MSRA: variants seen among roughly 807,000 people sequenced by gnomAD.
MSRA encodes methionine sulfoxide reductase A.
A neutral mutation model predicts 31.3 loss-of-function variants in MSRA; 54 were observed. The observed-to-expected ratio is 1.73, with a 90% CI of 1.39 to 2.17. MSRA has a LOEUF of 2.17. Ranked by LOEUF, MSRA falls within the 30% of genes most tolerant of loss-of-function variation. The pLI is 0.00. For synonymous variants in MSRA, 169 were observed against 116.5 expected (o/e 1.45, Z -2.90); for missense variants, 507 against 300.9 (o/e 1.69, Z -5.07).
In MSRA at chr8:10,340,261, T is replaced by C. The variant is rs188792584; in HGVS notation, c.543+20272T>C. Among the ~76,000 whole-genome samples, 5 of 152,210 alleles carry C rather than the reference T, an allele frequency of 3.3e-5. No homozygotes were observed. In the East Asian group the frequency reaches 9.7e-4, roughly 29 times the overall value. On this transcript the variant is annotated intron_variant, in intron 5 of 5. Coordinates refer to ENST00000317173, the MANE Select transcript of MSRA (RefSeq NM_012331.5). ...AAGCTGACCCCAGGTGTCCGTGCTT[T>C]TATGGGTTAATACCACCAGGGTATT...
chr8:10,240,983 C>G (rs561470144), intron 2 of MSRA, among the ~76,000 whole-genome samples: 1 of 152,018 alleles, frequency 6.6e-6, no homozygotes. Flanking sequence ...GTGCAGCTCA[C>G]GCGTGCCCTC....
intron 5 of MSRA, among the ~76,000 whole-genome samples, chr8:10,323,089 CA>C (rs34539032): frequency 0.21 from 23,254 of 111,750 alleles, 2,214 homozygotes; most frequent in Non-Finnish European, 0.26. Context: ...GACTCCATCT[CA>C]AAAAAAAAAA....
intron 5 of MSRA, among the ~76,000 whole-genome samples, chr8:10,370,674 G>T (rs2129169884): frequency 6.6e-6 from 1 of 152,302 alleles, no homozygotes; most frequent in South Asian, 2.1e-4. Flanking sequence ...TTGCTCTCCT[G>T]TACTTGCCAC....
At chr8:10,099,813 G>T (rs546745572) in intron 1 of MSRA, among the ~76,000 whole-genome samples, 1 of 152,272 alleles carries the variant, frequency 6.6e-6, no homozygotes, top group South Asian at 2.1e-4. Flanking sequence ...GGGTGGCCCT[G>T]GACACCGGCT....
intron 3 of MSRA, among the ~76,000 whole-genome samples, chr8:10,258,832 T>C (rs1798317539): frequency 6.6e-6 from 1 of 152,076 alleles, no homozygotes; most frequent in South Asian, 2.1e-4. Flanking sequence ...GACAGCGAGG[T>C]GCGGAGGCTC....
chr8:10,390,284 C>T (rs770334110), intron 5 of MSRA, among the ~76,000 whole-genome samples: 1 of 152,212 alleles, frequency 6.6e-6, no homozygotes, highest in Admixed American at 6.5e-5. Flanking sequence ...GCCACATGGG[C>T]GTGGCCTTGT....
rs372877625 is a variant in MSRA at position 10,428,322 on chromosome 8, A to C, written c.*10A>C. 9.9e-6 allele frequency: 16 copies of C among 1,611,614 alleles called. No homozygotes were observed. Among genetic ancestry groups the C allele is most frequent in the African/African-American group, 6.7e-5 (5 of 74,818 alleles). On this transcript the variant is annotated 3_prime_UTR_variant, in exon 6 of 6. Coordinates refer to ENST00000317173, the MANE Select transcript of MSRA (RefSeq NM_012331.5). ...GGGTATTAAAAAATAATTTCTCCCC[A>C]CATGGTGGGCCTTTGAGGTTCCAGT...
chr8:10,256,627 A>G (rs548038178), intron 3 of MSRA, among the ~76,000 whole-genome samples: 7 of 152,318 alleles, frequency 4.6e-5, no homozygotes, highest in African/African-American at 1.7e-4. Context: ...ATAAGTAAGA[A>G]GAATTCAGAC....
chr8:10,148,570 C>G (rs889572729), intron 1 of MSRA, among the ~76,000 whole-genome samples: 6 of 151,722 alleles, frequency 4.0e-5, no homozygotes, highest in Non-Finnish European at 5.9e-5. Context: ...TCTCTTGAAC[C>G]TGGGAGGCAG....
chr8:10,305,433 G>T (rs764427923), intron 4 of MSRA, among the ~76,000 whole-genome samples: 5 of 123,224 alleles, frequency 4.1e-5, no homozygotes, highest in Admixed American at 8.8e-5. Context: ...TTTTTTTTCC[G>T]GATGGAGTCT....
intron 1 of MSRA, among the ~76,000 whole-genome samples, chr8:10,111,748 GT>G (rs1800302832): frequency 6.6e-6 from 1 of 152,220 alleles, no homozygotes; most frequent in African/African-American, 2.4e-5. Flanking sequence ...TTGAATATCA[GT>G]TTTTAGAGAG....
At chr8:10,373,589 G>A (rs1284757660) in intron 5 of MSRA, among the ~76,000 whole-genome samples, 1 of 152,258 alleles carries the variant, frequency 6.6e-6, no homozygotes, top group Non-Finnish European at 1.5e-5. Flanking sequence ...TGGGCCCCAT[G>A]GGGGAAGCAG....
At chr8:10,283,887 T>G (rs1799792051) in intron 3 of MSRA, among the ~76,000 whole-genome samples, 1 of 136,172 alleles carries the variant, frequency 7.3e-6, no homozygotes, top group African/African-American at 2.7e-5. Context: ...TACAGTTTCT[T>G]TATCTACTCA....
chr8:10,399,353 G>C (rs1359648132), intron 5 of MSRA, among the ~76,000 whole-genome samples: 1 of 152,228 alleles, frequency 6.6e-6, no homozygotes, highest in African/African-American at 2.4e-5. Flanking sequence ...GTGACCTCCA[G>C]TGTTGGCGGT....
chr8:10,342,643 G>T (rs1803501334), intron 5 of MSRA, among the ~76,000 whole-genome samples: 1 of 152,158 alleles, frequency 6.6e-6, no homozygotes, highest in Non-Finnish European at 1.5e-5. Context: ...GCTGGGGCAG[G>T]GTCTTAGGGA....
chr8:10,141,173 C>G (rs914778189), intron 1 of MSRA, among the ~76,000 whole-genome samples: 1 of 152,180 alleles, frequency 6.6e-6, no homozygotes, highest in Admixed American at 6.5e-5. Context: ...GTTCTGAACA[C>G]CCACAGAAAT....
intron 3 of MSRA, among the ~76,000 whole-genome samples, chr8:10,284,686 A>G (rs369368667): frequency 2.4e-4 from 36 of 152,014 alleles, no homozygotes; most frequent in African/African-American, 8.0e-4. Context: ...AAGATTCTGG[A>G]GCTACATTAT....
At chr8:10,149,945 A>C (rs907338967) in intron 1 of MSRA, among the ~76,000 whole-genome samples, 1 of 9,442 alleles carries the variant, frequency 1.1e-4, no homozygotes, top group Non-Finnish European at 3.6e-4. Context: ...TCAATTTACA[A>C]ATAGTTGCTG....
chr8:10,071,918 A>C (rs1247886950), intron 1 of MSRA, among the ~76,000 whole-genome samples: 1 of 152,176 alleles, frequency 6.6e-6, no homozygotes, highest in Non-Finnish European at 1.5e-5. Context: ...AGTTACACAG[A>C]GAAGAGACAG....
Sources: gnomAD v4.1 joint callset for allele counts (sites outside exome capture counted in the v4.1 genomes callset) on GRCh38, gnomAD v4.1.1 for gene constraint, MANE v1.5 for transcripts, NCBI Gene and HGNC (gene_info 2026-07-23, HGNC 2026-07-21) for gene names.